Variants in ZBTB46 observed in about 807,000 individuals in gnomAD.
The protein encoded by ZBTB46 is zinc finger and BTB domain containing 46, also known as zinc finger and BTB domain-containing protein 46.
ZBTB46 carries 8 observed loss-of-function variants against 44.1 expected under a neutral mutation model. The observed-to-expected ratio is 0.18, with a 90% CI of 0.11 to 0.33. The LOEUF (loss-of-function observed/expected upper bound fraction) is 0.33. Among genes scored for constraint, ZBTB46 ranks in the 10% least tolerant of loss-of-function variants. ZBTB46 has a pLI of 1.00. For synonymous variants in ZBTB46, 409 were observed against 382.3 expected (o/e 1.07, Z -0.81); for missense variants, 651 against 847.7 (o/e 0.77, Z 2.88).
At chr20:63,758,413 C>T (rs2092243958) in intron 3 of ZBTB46, among the ~76,000 whole-genome samples, 1 of 152,110 alleles carries the variant, frequency 6.6e-6, no homozygotes, top group African/African-American at 2.4e-5. Flanking sequence ...TGCATTTCCC[C>T]CTCTCCCTCT....
At chr20:63,809,147 C>T (rs2092703096) in intron 1 of ZBTB46, among the ~76,000 whole-genome samples, 1 of 152,146 alleles carries the variant, frequency 6.6e-6, no homozygotes, top group South Asian at 2.1e-4. Context: ...ACCGCAGCGC[C>T]TGGGGCACTT....
intron 1 of ZBTB46, among the ~76,000 whole-genome samples, chr20:63,791,495 C>CAAAA (rs59810640): frequency 1.1e-4 from 7 of 61,176 alleles, no homozygotes; most frequent in South Asian, 1.3e-3. Context: ...GACTCCATCT[C>CAAAA]AAAAAAAAAA....
At chr20:63,776,719 G>A (rs1370536063) in intron 2 of ZBTB46, among the ~76,000 whole-genome samples, 3 of 151,090 alleles carry the variant, frequency 2.0e-5, no homozygotes, top group Non-Finnish European at 4.4e-5. Flanking sequence ...CAGGAGAATC[G>A]CTTGAACCCA....
chr20:63,775,105 A>G (rs956946127), intron 3 of ZBTB46, among the ~76,000 whole-genome samples: 4 of 152,188 alleles, frequency 2.6e-5, no homozygotes, highest in African/African-American at 9.6e-5. Context: ...ACTTTTGGCC[A>G]CATCTCGGCA....
intron 3 of ZBTB46, among the ~76,000 whole-genome samples, chr20:63,772,121 A>C (rs1418534993): frequency 2.0e-5 from 3 of 151,122 alleles, no homozygotes; most frequent in Non-Finnish European, 2.9e-5. Context: ...CAGTCTCCCA[A>C]GTAGCTGAGA....
At chr20:63,792,815 G>A (rs1178068610) in intron 1 of ZBTB46, among the ~76,000 whole-genome samples, 2 of 152,244 alleles carry the variant, frequency 1.3e-5, no homozygotes, top group Middle Eastern at 3.2e-3. Flanking sequence ...ACCACGCCCA[G>A]CCTAAAATGT....
intron 4 of ZBTB46, among the ~76,000 whole-genome samples, chr20:63,749,517 T>C (rs1325125191): frequency 6.6e-6 from 1 of 152,140 alleles, no homozygotes; most frequent in African/African-American, 2.4e-5. Flanking sequence ...TTTGTATTTT[T>C]AGTAGAGACG....
At chr20:63,765,480 G>C (rs1246756294) in intron 3 of ZBTB46, among the ~76,000 whole-genome samples, 1 of 152,250 alleles carries the variant, frequency 6.6e-6, no homozygotes, top group Admixed American at 6.5e-5. Flanking sequence ...CCCAGCTGGA[G>C]TGCAGTGGTG....
chr20:63,811,410 CCCAGCTTCTGA>C (rs1017895808), intron 1 of ZBTB46, among the ~76,000 whole-genome samples: 2 of 152,248 alleles, frequency 1.3e-5, no homozygotes, highest in African/African-American at 4.8e-5. Flanking sequence ...CCCCAGGCCT[CCCAGCTTCTGA>C]CTTCCAGGAG....
chr20:63,811,069 G>A (rs910855099), intron 1 of ZBTB46, among the ~76,000 whole-genome samples: 2 of 152,204 alleles, frequency 1.3e-5, no homozygotes, highest in East Asian at 1.9e-4. Context: ...ACAGGCAGGC[G>A]AAGAGTCTGC....
intron 1 of ZBTB46, among the ~76,000 whole-genome samples, chr20:63,815,472 G>A (rs1194003186): frequency 1.3e-5 from 2 of 149,024 alleles, no homozygotes; most frequent in East Asian, 4.1e-4. Flanking sequence ...GTACAGGTGG[G>A]CATAGGTGCA....
intron 2 of ZBTB46, among the ~76,000 whole-genome samples, chr20:63,778,037 T>A (rs903078571): frequency 1.3e-4 from 19 of 151,858 alleles, no homozygotes; most frequent in Non-Finnish European, 2.6e-4. Flanking sequence ...TGGGGAGGGG[T>A]CTCGGATGAG....
upstream of ZBTB46, chr20:63,831,381 CGCCCCG>C (rs2092851293): frequency 7.0e-6 from 1 of 142,356 alleles, no homozygotes; most frequent in Admixed American, 6.9e-5. Context: ...GCCCGCGCCG[CGCCCCG>C]GCCGCGGCCA....
chr20:63,774,631 C>T (rs1015156276), intron 3 of ZBTB46, among the ~76,000 whole-genome samples: 6 of 151,316 alleles, frequency 4.0e-5, no homozygotes, highest in Non-Finnish European at 8.8e-5. Context: ...AGGCCTTGCC[C>T]GGGGGCCCAC....
chr20:63,783,974 C>T (rs1015890586), intron 2 of ZBTB46, among the ~76,000 whole-genome samples: 1 of 152,120 alleles, frequency 6.6e-6, no homozygotes, highest in African/African-American at 2.4e-5. Context: ...CCAGGAGGGC[C>T]GAGATGCCAC....
Position 63,769,167 on chromosome 20 carries a change from C to G in ZBTB46, c.1222+6511G>C, listed in dbSNP as rs1428941741. Reference sequence around the variant, plus strand: ...CCCGGGCTCATCTGGGCCGTGGCCACGCACACATGGGTGTCAGGGACACCA... The same window carrying G: ...CCCGGGCTCATCTGGGCCGTGGCCAGGCACACATGGGTGTCAGGGACACCA... On this transcript the variant is annotated intron_variant, in intron 3 of 4. Transcript: ENST00000245663. 3.0e-6 allele frequency: 3 copies of G among 984,594 alleles called. 1 individual carries two copies. In the Admixed American group the frequency reaches 1.8e-4, roughly 61 times the overall value. The allele number at this position is 984,594 out of a possible 1,614,324, so 61.0% of individuals were successfully genotyped here.
Position 63,767,941 on chromosome 20 carries a change from G to C in ZBTB46, c.1222+7737C>G. The C allele has an allele frequency of 1.0e-6, 1 of 985,456 alleles. No individual in the cohort carries two copies. Among genetic ancestry groups the C allele is most frequent in the Non-Finnish European group, 1.2e-6 (1 of 829,934 alleles). 61.0% of individuals were successfully genotyped at this position (985,456 alleles called of 1,614,324 possible). On this transcript the variant is annotated intron_variant, in intron 3 of 4. Transcript: ENST00000245663. The surrounding 1 kb of genome is among the most constrained non-coding windows in gnomAD (Gnocchi z 5.0). ...GCCAGCGGGAGCCAACTCTGGAAGA[G>C]GACTGCTCCGCCCAGCTCTCCACGC...
chr20:63,783,843 G>A (rs2092490568), intron 2 of ZBTB46, among the ~76,000 whole-genome samples: 1 of 152,192 alleles, frequency 6.6e-6, no homozygotes, highest in African/African-American at 2.4e-5. Context: ...CCAAGTGCAG[G>A]AAATTTTCTT....
intron 1 of ZBTB46, among the ~76,000 whole-genome samples, chr20:63,801,097 T>C (rs1279731158): frequency 6.6e-6 from 1 of 152,176 alleles, no homozygotes; most frequent in African/African-American, 2.4e-5. Context: ...AATGCACCAA[T>C]CAGTACCCTG....
Sources: allele counts gnomAD v4.1 joint callset (sites outside exome capture counted in the v4.1 genomes callset), GRCh38; gene constraint gnomAD v4.1.1; non-coding constraint Gnocchi (gnomAD v3.1); transcripts MANE v1.5; gene names NCBI Gene and HGNC (gene_info 2026-07-23, HGNC 2026-07-21).